The following MRTFA variants were observed in gnomAD, a reference collection of about 807,000 sequenced individuals.
MRTFA encodes the protein myocardin-related transcription factor A.
MRTFA carries 20 observed loss-of-function variants against 83.5 expected under a neutral mutation model. That is an observed-to-expected ratio of 0.24 (90% CI 0.17 to 0.35). The LOEUF is 0.35. Ranked by LOEUF, MRTFA falls within the 10% of genes least tolerant of loss-of-function variation. The pLI, the probability that MRTFA is intolerant of heterozygous loss-of-function variation, is 1.00. For synonymous variants in MRTFA, 659 were observed against 541.2 expected, an observed-to-expected ratio of 1.22 and a Z score of -3.02; for missense variants, 1,200 against 1,224.7, an observed-to-expected ratio of 0.98 and a Z score of 0.30.
intron 3 of MRTFA, among the ~76,000 whole-genome samples, chr22:40,529,661 A>G (rs1410887213): frequency 2.6e-5 from 4 of 152,236 alleles, no homozygotes; most frequent in African/African-American, 9.6e-5. Flanking sequence ...AAAAGATTTT[A>G]AAGTACACAG....
chr22:40,632,018 A>G (rs995700198), intron 1 of MRTFA, among the ~76,000 whole-genome samples: 1 of 152,200 alleles, frequency 6.6e-6, no homozygotes, highest in African/African-American at 2.4e-5. Flanking sequence ...TGTGGCCAAC[A>G]GAATACTGGA....
At chr22:40,583,967 T>C (rs998628816) in intron 2 of MRTFA, among the ~76,000 whole-genome samples, 32 of 152,342 alleles carry the variant, frequency 2.1e-4, no homozygotes, top group African/African-American at 5.0e-4. Context: ...GTGGTATATA[T>C]AGTATTTGTC....
chr22:40,545,780 C>A (rs2055355994), intron 3 of MRTFA, among the ~76,000 whole-genome samples: 1 of 149,712 alleles, frequency 6.7e-6, no homozygotes, highest in Non-Finnish European at 1.5e-5. Flanking sequence ...GTCACCCAGG[C>A]TGGAGTGTAG....
In MRTFA at chr22:40,598,654, G is replaced by A. The variant is rs540423811; in HGVS notation, c.-83-3919C>T. Among the ~76,000 whole-genome samples the A allele has an allele frequency of 2.6e-5, 4 of 152,160 alleles. No homozygotes were observed. In the East Asian group the frequency reaches 7.7e-4, roughly 29 times the overall value. Reference sequence around the variant, plus strand: ...CTAACTGGGAAGATTTTAAAAATTAGATGTGTGTGCCCCCCCAAAATTGGA... The same window carrying A: ...CTAACTGGGAAGATTTTAAAAATTAAATGTGTGTGCCCCCCCAAAATTGGA... On this transcript the variant is annotated intron_variant, in intron 1 of 14. Transcript: ENST00000355630.
At position 40,424,199 on chromosome 22, in the gene MRTFA, C is replaced by A. The variant is rs200474478; in HGVS notation, c.777+7G>T. On this transcript the variant is annotated splice_region_variant and intron_variant, in intron 8 of 14. Coordinates refer to ENST00000355630, the MANE Select transcript of MRTFA (RefSeq NM_020831.6). ...AGCTGGGGAAGCATCTGGAAGCACACACTCACCTGGGTGGGGGATGCAGAG... is the reference window on the plus strand; with the variant it reads ...AGCTGGGGAAGCATCTGGAAGCACAAACTCACCTGGGTGGGGGATGCAGAG... 2.0e-4 allele frequency: 323 copies of A among 1,587,594 alleles called. 1 individual carries two copies. In the East Asian group the frequency reaches 6.1e-3, roughly 30 times the overall value.
chr22:40,542,247 C>A (rs1166949938), intron 3 of MRTFA, among the ~76,000 whole-genome samples: 1 of 152,160 alleles, frequency 6.6e-6, no homozygotes, highest in Non-Finnish European at 1.5e-5. Context: ...TTACTTCTTT[C>A]ATTTGTCAAA....
At chr22:40,478,416 T>A (rs2054033061) in intron 3 of MRTFA, among the ~76,000 whole-genome samples, 1 of 152,180 alleles carries the variant, frequency 6.6e-6, no homozygotes, top group African/African-American at 2.4e-5. Flanking sequence ...ACACAGGAAC[T>A]CTCCGTACTA....
At chr22:40,548,460 G>C (rs1039676719) in intron 3 of MRTFA, among the ~76,000 whole-genome samples, 4 of 151,094 alleles carry the variant, frequency 2.6e-5, no homozygotes, top group African/African-American at 9.7e-5. Context: ...GTGAGAGAGA[G>C]AAAGCGTATC....
chr22:40,449,274 GA>G (rs35140973), intron 4 of MRTFA, among the ~76,000 whole-genome samples: 154 of 87,984 alleles, frequency 1.8e-3, no homozygotes, highest in Middle Eastern at 6.9e-3. Flanking sequence ...CTCCAAACGA[GA>G]AAAAAAAAAA....
intron 3 of MRTFA, among the ~76,000 whole-genome samples, chr22:40,516,252 C>T (rs1882652391): frequency 6.6e-6 from 1 of 151,690 alleles, no homozygotes; most frequent in Admixed American, 6.6e-5. Flanking sequence ...AATCCTGCCT[C>T]TACTAAAAAT....
intron 1 of MRTFA, among the ~76,000 whole-genome samples, chr22:40,624,725 A>G (rs1029714003): frequency 1.3e-5 from 2 of 152,234 alleles, no homozygotes; most frequent in East Asian, 1.9e-4. Context: ...ATAAAAGGTT[A>G]CACTATAATT....
At chr22:40,604,063 A>G (rs1228671755) in intron 1 of MRTFA, among the ~76,000 whole-genome samples, 1 of 152,160 alleles carries the variant, frequency 6.6e-6, no homozygotes, top group Non-Finnish European at 1.5e-5. Context: ...GAAAACAGAT[A>G]AAGAACAAAG....
Position 40,410,694 on chromosome 22 carries a change from G to C in MRTFA, c.*696C>G, listed in dbSNP as rs564797001. ...TGCATGCCAGACTGGGCACCAGACT[G>C]TGGCACACAGCTCAAGGGTAACCTT... On this transcript the variant is annotated 3_prime_UTR_variant, in exon 15 of 15. Transcript: ENST00000355630. 8.6e-6 allele frequency: 2 copies of C among 233,428 alleles called. No homozygotes were observed. The highest frequency in any genetic ancestry group is 1.8e-4 in the South Asian group (1 of 5,524). The allele number at this position is 233,428 out of a possible 1,614,324, so 14.5% of individuals were successfully genotyped here.
At chr22:40,527,018 CGGGAGGCTGAGAT>C (rs1276168977) in intron 3 of MRTFA, among the ~76,000 whole-genome samples, 1 of 151,722 alleles carries the variant, frequency 6.6e-6, no homozygotes, top group East Asian at 1.9e-4. Context: ...TCCAGCTACT[CGGGAGGCTGAGAT>C]GGGAGGATTG....
chr22:40,567,341 T>TTTAA (rs2055720261), intron 2 of MRTFA, among the ~76,000 whole-genome samples: 1 of 152,220 alleles, frequency 6.6e-6, no homozygotes, highest in Non-Finnish European at 1.5e-5. Flanking sequence ...TGTGTTCCAA[T>TTTAA]TTTTAAAGGT....
At chr22:40,489,421 T>C (rs1454458530) in intron 3 of MRTFA, among the ~76,000 whole-genome samples, 1 of 151,738 alleles carries the variant, frequency 6.6e-6, no homozygotes, top group Non-Finnish European at 1.5e-5. Context: ...GTGAACATGG[T>C]TCTAGCCTCC....
At position 40,432,698 on chromosome 22, in the gene MRTFA, A is replaced by G. The variant is rs532952033; in HGVS notation, c.364-1218T>C. 4.0e-3 allele frequency among the ~76,000 whole-genome samples: 614 copies of G among 152,238 alleles called. 5 individuals are homozygous for G. Among genetic ancestry groups the G allele is most frequent in the African/African-American group, 0.014 (590 of 41,530 alleles). ...AAAATGAAGAAAAAGAAAAAAAAAA[A>G]AAGACTTGTCCTCACCTAGCCATCT... is the stretch of plus-strand genomic sequence containing the variant. On this transcript the variant is annotated intron_variant, in intron 5 of 14. Transcript: ENST00000355630.
At chr22:40,493,383 G>A (rs1202607755) in intron 3 of MRTFA, among the ~76,000 whole-genome samples, 1 of 152,128 alleles carries the variant, frequency 6.6e-6, no homozygotes, top group East Asian at 1.9e-4. Flanking sequence ...GTTCCACTAG[G>A]AAACTAGATA....
rs775101875 is a variant in MRTFA, at chr22:40,420,587, A to G, written c.1182-11T>C. 2.5e-6 allele frequency: 4 copies of G among 1,612,418 alleles called. No homozygotes were observed. In the East Asian group the frequency reaches 8.9e-5, roughly 36 times the overall value. On this transcript the variant is annotated splice_polypyrimidine_tract_variant and intron_variant, in intron 10 of 14. Transcript: ENST00000355630. Reference sequence around the variant, plus strand: ...GCCTCGCCTGCTGACCTGGGAAGAAAAGGCAGAAATTAGCCCCATCCAGCT... The same window carrying G: ...GCCTCGCCTGCTGACCTGGGAAGAAGAGGCAGAAATTAGCCCCATCCAGCT...
Sources: allele counts gnomAD v4.1 joint callset (sites outside exome capture counted in the v4.1 genomes callset), GRCh38; gene constraint gnomAD v4.1.1; transcripts MANE v1.5; gene names NCBI Gene and HGNC (gene_info 2026-07-23, HGNC 2026-07-21).